DMD: variants seen among roughly 807,000 people sequenced by gnomAD.
DMD encodes dystrophin, also known as mutant dystrophin.
In DMD, 63 loss-of-function variants were observed where a neutral mutation model predicts 330.1. The observed-to-expected ratio is 0.19, with a 90% CI of 0.16 to 0.24. The LOEUF (loss-of-function observed/expected upper bound fraction) is 0.24, where lower values mean the gene tolerates loss of function less well. Among genes scored for constraint, DMD ranks in the 10% least tolerant of loss-of-function variants. The pLI is 1.00. For missense variants in DMD, 3,344 were observed against 2,684.1 expected (o/e 1.25, Z -5.43); for synonymous variants, 1,223 against 959.8 (o/e 1.27, Z -5.07).
At chrX:31,748,782 C>G (rs1012189727) in intron 51 of DMD, among the ~76,000 whole-genome samples, 3 of 111,889 alleles carry the variant, frequency 2.7e-5, no homozygotes, top group Admixed American at 1.9e-4. Flanking sequence ...TCTGTACTTA[C>G]ACCCTTTTAT....
intron 13 of DMD, among the ~76,000 whole-genome samples, chrX:32,589,918 G>A (rs1016275621): frequency 9.9e-5 from 11 of 111,278 alleles, no homozygotes; most frequent in Admixed American, 2.9e-4. Flanking sequence ...ATACTAGAAA[G>A]GAATATATTA....
At chrX:32,732,877 A>C (rs1398632712) in intron 7 of DMD, among the ~76,000 whole-genome samples, 1 of 110,688 alleles carries the variant, frequency 9.0e-6, no homozygotes, top group Non-Finnish European at 1.9e-5. Context: ...TCACCAGCTA[A>C]CATCATAATG....
At chrX:33,119,675 A>T (rs1168166773) in intron 1 of DMD, among the ~76,000 whole-genome samples, 5 of 111,817 alleles carry the variant, frequency 4.5e-5, no homozygotes, top group African/African-American at 1.6e-4. Context: ...TCAGAGCAGT[A>T]ACGAATTTTA....
At chrX:31,317,509 A>ATTT (rs775949235) in intron 62 of DMD, among the ~76,000 whole-genome samples, 1 of 84,911 alleles carries the variant, frequency 1.2e-5, no homozygotes, top group African/African-American at 5.0e-5. Flanking sequence ...AAATGAGGAA[A>ATTT]TTTTTTTTTT....
At chrX:32,248,990 T>C (rs907082881) in intron 43 of DMD, among the ~76,000 whole-genome samples, 2 of 111,144 alleles carry the variant, frequency 1.8e-5, no homozygotes, top group African/African-American at 6.5e-5. Flanking sequence ...AACAAATAAG[T>C]TAACAAAGGA....
chrX:31,803,634 CCCTT>C (rs1267836044), intron 50 of DMD, among the ~76,000 whole-genome samples: 9 of 79,172 alleles, frequency 1.1e-4, no homozygotes, highest in Non-Finnish European at 2.2e-4. Flanking sequence ...CTCCCTCCCT[CCCTT>C]CCTTCCTTTC....
intron 77 of DMD, among the ~76,000 whole-genome samples, chrX:31,128,317 T>C (rs1205326182): frequency 8.9e-6 from 1 of 111,904 alleles, no homozygotes; most frequent in African/African-American, 3.2e-5. Flanking sequence ...TACACACTTT[T>C]GGTATTTGAT....
intron 65 of DMD, 81 bp downstream of exon 65, chrX:31,209,417 G>A (rs2044415172): frequency 2.0e-6 from 2 of 975,945 alleles, no homozygotes; most frequent in Non-Finnish European, 2.9e-6. Flanking sequence ...GGGCCCTGTT[G>A]TAATGCTAAT....
chrX:32,955,329 T>G (rs2091508155), intron 2 of DMD, among the ~76,000 whole-genome samples: 1 of 111,997 alleles, frequency 8.9e-6, no homozygotes. Flanking sequence ...GTTGGCCGCA[T>G]GTATGTCTTC....
At chrX:33,224,701 C>G (rs887289197) in intron 1 of DMD, among the ~76,000 whole-genome samples, 1 of 111,058 alleles carries the variant, frequency 9.0e-6, no homozygotes, top group Non-Finnish European at 1.9e-5. Context: ...AGAGTAAACT[C>G]TAATGGAACC....
At chrX:32,895,634 T>G (rs1365349662) in intron 2 of DMD, among the ~76,000 whole-genome samples, 2 of 111,558 alleles carry the variant, frequency 1.8e-5, no homozygotes, top group African/African-American at 6.5e-5. Context: ...GACATAGTTT[T>G]CAACAGAGAG....
intron 2 of DMD, among the ~76,000 whole-genome samples, chrX:32,894,289 C>T (rs2085491356): frequency 9.0e-6 from 1 of 111,567 alleles, no homozygotes. Flanking sequence ...GAGGAAGAAA[C>T]CCATAGCCAG....
At chrX:33,136,070 T>C (rs1479393602) in intron 1 of DMD, among the ~76,000 whole-genome samples, 1 of 110,834 alleles carries the variant, frequency 9.0e-6, no homozygotes, top group Admixed American at 9.6e-5. Context: ...ATCCCAGCAC[T>C]TTGGAAGGCC....
At chrX:31,951,127 A>ATATATATATG (rs1569521202) in intron 45 of DMD, among the ~76,000 whole-genome samples, 4 of 82,032 alleles carry the variant, frequency 4.9e-5, no homozygotes, top group African/African-American at 1.1e-4. Flanking sequence ...ATATACATAT[A>ATATATATATG]TATATATATA....
intron 54 of DMD, among the ~76,000 whole-genome samples, chrX:31,642,439 T>TA (rs1411195886): frequency 1.8e-5 from 2 of 112,222 alleles, no homozygotes; most frequent in African/African-American, 6.5e-5. Context: ...TTTTCCAAAA[T>TA]AAAACATTTG....
intron 50 of DMD, among the ~76,000 whole-genome samples, chrX:31,814,799 G>C (rs2092575718): frequency 8.9e-6 from 1 of 111,890 alleles, no homozygotes; most frequent in African/African-American, 3.2e-5. Context: ...CCCATGCAAA[G>C]TCCTGTCTAC....
chrX:31,181,585 G>A lies in DMD; in HGVS notation c.9975-1104C>T, dbSNP rs2041161949. ...TTTTTACCTGCCAAGAAACCGGGAA[G>A]GAAAGAAGGTGACCTTTGCAAGCAG... On this transcript the variant is annotated intron_variant, in intron 68 of 78. Transcript: ENST00000357033. Among the ~76,000 whole-genome samples the A allele has an allele frequency of 3.6e-5, 4 of 111,643 alleles. No individual in the cohort carries two copies. In the South Asian group the frequency reaches 1.1e-3, roughly 32 times the overall value.
At chrX:32,292,104 T>C (rs2148482154) in intron 42 of DMD, among the ~76,000 whole-genome samples, 1 of 110,008 alleles carries the variant, frequency 9.1e-6, no homozygotes, top group African/African-American at 3.3e-5. Flanking sequence ...CTCCTCCTGA[T>C]ACATCAGGTG....
At chrX:31,696,527 G>A (rs992530757) in intron 52 of DMD, among the ~76,000 whole-genome samples, 1 of 111,681 alleles carries the variant, frequency 9.0e-6, no homozygotes, top group African/African-American at 3.2e-5. Context: ...TGAGCTTCTG[G>A]CTATATTATA....
Sources: allele counts gnomAD v4.1 joint callset (sites outside exome capture counted in the v4.1 genomes callset), GRCh38; gene constraint gnomAD v4.1.1; transcripts MANE v1.5; gene names NCBI Gene and HGNC (gene_info 2026-07-23, HGNC 2026-07-21).